Variants in NDUFAF5 observed in about 807,000 individuals in gnomAD.
The protein encoded by NDUFAF5 is arginine-hydroxylase NDUFAF5, mitochondrial.
NDUFAF5 carries 34 observed loss-of-function variants against 48.9 expected under a neutral mutation model. The observed-to-expected ratio is 0.70, with a 90% confidence interval of 0.53 to 0.93. NDUFAF5 has a LOEUF of 0.93. Among genes scored for constraint, NDUFAF5 ranks in the 40% least tolerant of loss-of-function variants. The probability of loss-of-function intolerance (pLI) is 0.00; values close to 1 mark genes in which losing one functional copy is unlikely to be tolerated. For synonymous variants in NDUFAF5, 153 were observed against 150.6 expected (o/e 1.02, Z -0.12); for missense variants, 428 against 427.5 (o/e 1.00, Z -0.01).
chr20:13,787,349 C>G lies in NDUFAF5; in HGVS notation c.260C>G (p.Pro87Arg), dbSNP rs1206839711. 3.1e-6 allele frequency: 5 copies of G among 1,613,688 alleles called. No homozygotes were observed. In the African/African-American group the frequency reaches 6.7e-5, roughly 22 times the overall value. Residue 87 changes from proline (P) to arginine (R), a missense_variant, in exon 2 of 11, where the codon CCC becomes CGC. Transcript: ENST00000378106. The stretch of plus-strand genomic sequence containing the variant: ...ATCGCAGACCGTGTATATGACATAC[C>G]CAGGTAAGTGGTGGTGATCATAATA... ...SRIADRVYDI[P>R]RNFPLALDLG...
intron 3 of NDUFAF5, among the ~76,000 whole-genome samples, chr20:13,790,025 C>A (rs1052478531): frequency 5.3e-5 from 8 of 151,984 alleles, no homozygotes; most frequent in Admixed American, 3.3e-4. Flanking sequence ...GTTGGTGGTT[C>A]CTAGCATTGG....
At chr20:13,793,103 A>T in intron 3 of NDUFAF5, 77 bp from the exon 4 acceptor site, 1 of 1,492,154 alleles carries the variant, frequency 6.7e-7, no homozygotes, top group South Asian at 1.1e-5. Flanking sequence ...AATGTAATTA[A>T]CACTTTTACC....
chr20:13,807,901 A>G (rs904247401), intron 7 of NDUFAF5, among the ~76,000 whole-genome samples: 2 of 151,988 alleles, frequency 1.3e-5, no homozygotes, highest in African/African-American at 4.8e-5. Flanking sequence ...ACGAGCAGAG[A>G]TCACACCACT....
At chr20:13,786,234 G>T (rs1205325474) in intron 1 of NDUFAF5, among the ~76,000 whole-genome samples, 1 of 152,192 alleles carries the variant, frequency 6.6e-6, no homozygotes, top group Non-Finnish European at 1.5e-5. Flanking sequence ...AGAGCTCTGT[G>T]CAAGTACAGG....
intron 8 of NDUFAF5, among the ~76,000 whole-genome samples, chr20:13,815,806 T>A (rs113569510): frequency 0.024 from 3,621 of 152,280 alleles, 45 homozygotes; most frequent in African/African-American, 0.027. Flanking sequence ...AAATCAAATA[T>A]ACAACATTAA....
chr20:13,791,632 A>G (rs538087300), intron 3 of NDUFAF5, among the ~76,000 whole-genome samples: 1 of 152,352 alleles, frequency 6.6e-6, no homozygotes, highest in Non-Finnish European at 1.5e-5. Context: ...AATGTGCTGA[A>G]GCCAGTTTAA....
chr20:13,811,970 T>C (rs961272954), intron 8 of NDUFAF5, among the ~76,000 whole-genome samples: 5 of 152,208 alleles, frequency 3.3e-5, no homozygotes, highest in Admixed American at 6.5e-5. Flanking sequence ...CAAATAAGTA[T>C]CTAGTCTTTA....
intron 9 of NDUFAF5, 38 bp from the exon 10 acceptor site, chr20:13,816,837 T>A (rs1010183790): frequency 6.9e-7 from 1 of 1,440,348 alleles, no homozygotes; most frequent in Non-Finnish European, 9.8e-7. Flanking sequence ...TTTTCCTACT[T>A]GCATTTTTTC....
At chr20:13,797,579 T>C (rs1983437350) in intron 5 of NDUFAF5, among the ~76,000 whole-genome samples, 3 of 152,146 alleles carry the variant, frequency 2.0e-5, no homozygotes, top group African/African-American at 7.2e-5. Context: ...CCAGGGGTTG[T>C]GTAGGGGAAG....
chr20:13,788,766 AT>A (rs1338275421), intron 3 of NDUFAF5, 114 bp downstream of exon 3: 10 of 688,364 alleles, frequency 1.5e-5, no homozygotes, highest in Admixed American at 2.7e-5. Context: ...TTATATCAGA[AT>A]TGTTAATTTG....
intron 2 of NDUFAF5, among the ~76,000 whole-genome samples, chr20:13,788,199 T>G (rs1205746711): frequency 6.6e-6 from 1 of 152,244 alleles, no homozygotes; most frequent in African/African-American, 2.4e-5. Context: ...TTCTAAGTAT[T>G]CCACTGCTTC....
intron 8 of NDUFAF5, chr20:13,816,208 G>A: frequency 1.9e-6 from 1 of 522,360 alleles, no homozygotes; most frequent in Non-Finnish European, 3.5e-6. Flanking sequence ...ACCATTGCTG[G>A]CAAGTAAAGC....
intron 5 of NDUFAF5, among the ~76,000 whole-genome samples, chr20:13,796,192 A>G (rs7270820): frequency 0.012 from 1,823 of 152,314 alleles, 43 homozygotes; most frequent in African/African-American, 0.042. Context: ...TTGGCCTGAA[A>G]GTCTTATGTT....
At chr20:13,792,032 A>G (rs1041166828) in intron 3 of NDUFAF5, among the ~76,000 whole-genome samples, 4 of 152,204 alleles carry the variant, frequency 2.6e-5, no homozygotes, top group African/African-American at 9.7e-5. Context: ...GCAGTCCCCA[A>G]CCAAGAGCCA....
intron 8 of NDUFAF5, chr20:13,815,930 T>C (rs751608380): frequency 3.0e-4 from 41 of 137,174 alleles, no homozygotes; most frequent in Non-Finnish European, 5.1e-4. Flanking sequence ...CACATAATTC[T>C]TTCCTAATGT....
Position 13,816,539 on chromosome 20 carries a change from G to A in NDUFAF5, c.855G>A (p.Val285=), listed in dbSNP as rs1312129533. 2 of 1,613,756 alleles carry A rather than the reference G, an allele frequency of 1.2e-6. No homozygotes were observed. Among genetic ancestry groups the A allele is most frequent in the Non-Finnish European group, 1.7e-6 (2 of 1,179,746 alleles). Residue 285 remains valine (V), a synonymous_variant, in exon 9 of 11, where the codon GTG becomes GTA. Coordinates refer to ENST00000378106, the MANE Select transcript of NDUFAF5 (RefSeq NM_024120.5). ...ACACAATGCTGGCAGCTGCGGCAGT[G>A]TACAGAGGTAAGGGGCGACCACTCT... ...HRDTMLAAAA[V]YREMYRNEDG...
In NDUFAF5 at chr20:13,801,594, G is replaced by T; in HGVS notation, c.628G>T (p.Gly210Ter). 4.3e-6 allele frequency: 7 copies of T among 1,614,094 alleles called. No homozygotes were observed. Among genetic ancestry groups the T allele is most frequent in the Non-Finnish European group, 5.9e-6 (7 of 1,179,992 alleles). Residue 210 changes from glycine (G) to a stop codon, truncating the protein, a stop_gained, in exon 7 of 11, where the codon GGA becomes TGA. Transcript: ENST00000378106. LOFTEE classifies it high-confidence loss of function. ...ACAGTTAGCGGAAACGGAAAGGGAA[G>T]GAGGATTTTCTCCACACATTTCTCC... is the stretch of plus-strand genomic sequence containing the variant. ...SLQLAETERE[G>*]GFSPHISPFT...
At chr20:13,812,839 G>A (rs890795205) in intron 8 of NDUFAF5, 3 of 152,222 alleles carry the variant, frequency 2.0e-5, no homozygotes, top group Non-Finnish European at 4.4e-5. Context: ...TAAAGGTACA[G>A]CTGCTTGTAT....
intron 3 of NDUFAF5, among the ~76,000 whole-genome samples, chr20:13,789,496 GAC>G (rs1288396902): frequency 2.1e-5 from 3 of 142,540 alleles, no homozygotes; most frequent in Non-Finnish European, 4.6e-5. Flanking sequence ...TTTTTTTTGA[GAC>G]AGAGTCTCGC....
Sources: gnomAD v4.1 joint callset for allele counts (sites outside exome capture counted in the v4.1 genomes callset) on GRCh38, gnomAD v4.1.1 for gene constraint, MANE v1.5 for transcripts, NCBI Gene and HGNC (gene_info 2026-07-23, HGNC 2026-07-21) for gene names.